ZIM2: variants seen among roughly 807,000 people sequenced by gnomAD.
ZIM2 encodes zinc finger protein 656.
Under a neutral mutation model 38.6 loss-of-function variants are expected in ZIM2, and 14 were observed. The observed-to-expected ratio is 0.36, with a 90% confidence interval of 0.24 to 0.57. The LOEUF is 0.57. Among genes scored for constraint, ZIM2 ranks in the 20% least tolerant of loss-of-function variants. The pLI is 0.81. For missense variants in ZIM2, 680 were observed against 695.1 expected, an observed-to-expected ratio of 0.98 and a Z score of 0.24; for synonymous variants, 247 against 245.8, an observed-to-expected ratio of 1.00 and a Z score of -0.04.
intron 9 of ZIM2, among the ~76,000 whole-genome samples, chr19:56,796,765 A>G (rs1227374799): frequency 6.6e-6 from 1 of 152,226 alleles, no homozygotes; most frequent in Non-Finnish European, 1.5e-5. Flanking sequence ...TCCAAACCCC[A>G]AAAGAGGGTT....
At chr19:56,788,374 C>T (rs1482732648) in intron 10 of ZIM2, among the ~76,000 whole-genome samples, 5 of 152,074 alleles carry the variant, frequency 3.3e-5, no homozygotes, top group African/African-American at 9.7e-5. Flanking sequence ...CTGAGTCATT[C>T]GGGAGCAGGT....
At chr19:56,810,092 A>G in intron 9 of ZIM2, 1 of 862,126 alleles carries the variant, frequency 1.2e-6, no homozygotes, top group Non-Finnish European at 1.4e-6. Flanking sequence ...TTTATTTTTA[A>G]CTTTATTTTT....
At chr19:56,828,158 G>A (rs891470749) in intron 2 of ZIM2, among the ~76,000 whole-genome samples, 53 of 152,122 alleles carry the variant, frequency 3.5e-4, no homozygotes, top group African/African-American at 1.3e-3. Flanking sequence ...CACTGATGCT[G>A]AGCCCAGGCT....
chr19:56,803,392 G>A (rs2047615471), intron 9 of ZIM2, among the ~76,000 whole-genome samples: 1 of 152,206 alleles, frequency 6.6e-6, no homozygotes, highest in African/African-American at 2.4e-5. Context: ...TCTGCAAGAG[G>A]AACAGAGGAG....
chr19:56,812,394 T>G (rs1466151805), intron 9 of ZIM2: 1 of 984,924 alleles, frequency 1.0e-6, no homozygotes, highest in Non-Finnish European at 1.2e-6. Flanking sequence ...TGAGTCCATG[T>G]TAAGCTTGGG....
intron 7 of ZIM2, among the ~76,000 whole-genome samples, chr19:56,820,606 C>T (rs528805360): frequency 8.5e-5 from 13 of 152,258 alleles, no homozygotes; most frequent in Non-Finnish European, 1.6e-4. Context: ...ACACCTGACC[C>T]GGCGTGCTCC....
In ZIM2 at chr19:56,814,329, GGCTGCTGCT is replaced by G; in HGVS notation, c.490+3408_490+3416del. 6.2e-7 allele frequency: 1 copy of G among 1,613,850 alleles called. No homozygotes were observed. The highest frequency in any genetic ancestry group is 8.5e-7 in the Non-Finnish European group (1 of 1,179,898). On this transcript the variant is annotated intron_variant, in intron 9 of 12. Coordinates refer to ENST00000629319, the MANE Select transcript of ZIM2 (RefSeq NM_001387356.1). This position sits in a 1 kb window ranked among gnomAD's most constrained non-coding sequence, Gnocchi z 5.8. ...CATGGACATTGGCTTCAACTTCCTG[GGCTGCTGCT>G]GCTGCAGCTGCTGCTGCTTCATCTT...
chr19:56,785,815 A>G (rs1029430866), intron 10 of ZIM2, among the ~76,000 whole-genome samples: 2 of 152,246 alleles, frequency 1.3e-5, no homozygotes, highest in Admixed American at 6.5e-5. Flanking sequence ...ATTCTAATTC[A>G]GTTGGTGGAA....
intron 8 of ZIM2, 113 bp downstream of exon 8, chr19:56,818,487 C>T (rs2060189633): frequency 1.8e-6 from 2 of 1,120,700 alleles, no homozygotes; most frequent in Non-Finnish European, 2.6e-6. Context: ...TTCTTATTAC[C>T]CTTGAAGTCC....
chr19:56,774,899 T>C lies in ZIM2; in HGVS notation c.1466A>G (p.His489Arg), dbSNP rs1402652523. Reference protein sequence around the residue: ...KTYLIRYQRKHDYVGERACQC... With the variant: ...KTYLIRYQRKRDYVGERACQC... ...GCAGGCTCTCTCTCCAACGTAGTCA[T>C]GTTTCCGCTGATAACGAATTAAGTA... Residue 489 changes from histidine to arginine, a missense_variant, in exon 13 of 13, where the codon CAT (histidine) becomes CGT (arginine). Physicochemically the swap from His to Arg is conservative, Grantham distance 29. Coordinates refer to ENST00000629319, the MANE Select transcript of ZIM2 (RefSeq NM_001387356.1). The C allele has an allele frequency of 1.2e-6, 2 of 1,614,066 alleles. No homozygotes were observed. The highest frequency in any genetic ancestry group is 1.3e-5 in the African/African-American group (1 of 74,914).
chr19:56,811,353 A>G, intron 9 of ZIM2: 1 of 888,568 alleles, frequency 1.1e-6, no homozygotes, highest in Non-Finnish European at 1.3e-6. Context: ...ATATAAATGA[A>G]CTGTTGAGTT....
intron 9 of ZIM2, chr19:56,811,233 T>A: frequency 1.0e-6 from 1 of 964,318 alleles, no homozygotes; most frequent in Non-Finnish European, 1.2e-6. Flanking sequence ...AAGAAAATAA[T>A]GCTCAACTAT....
intron 9 of ZIM2, chr19:56,810,907 T>G (rs1215809911): frequency 1.0e-6 from 1 of 962,798 alleles, no homozygotes; most frequent in Non-Finnish European, 1.2e-6. Flanking sequence ...CATAATACAC[T>G]GTTATCAGGA....
At chr19:56,782,970 CT>C (rs111966870) in intron 10 of ZIM2, among the ~76,000 whole-genome samples, 61 of 151,054 alleles carry the variant, frequency 4.0e-4, no homozygotes, top group Non-Finnish European at 5.3e-4. Flanking sequence ...ATTCTTTCTA[CT>C]TTTTTTTTGT....
intron 9 of ZIM2, among the ~76,000 whole-genome samples, chr19:56,794,793 T>G (rs1357605520): frequency 6.6e-6 from 1 of 152,182 alleles, no homozygotes; most frequent in African/African-American, 2.4e-5. Context: ...TTTTTCACAA[T>G]TTTTTGGACA....
intron 7 of ZIM2, 119 bp downstream of exon 7, chr19:56,821,532 G>T: frequency 8.0e-7 from 1 of 1,252,754 alleles, no homozygotes; most frequent in South Asian, 1.4e-5. Context: ...CTGGAGCGCT[G>T]GGACTCTCAC....
chr19:56,839,558 G>A (rs1452041644), intron 1 of ZIM2, among the ~76,000 whole-genome samples: 1 of 150,634 alleles, frequency 6.6e-6, no homozygotes, highest in Non-Finnish European at 1.5e-5. Flanking sequence ...GCGTCAAAGC[G>A]GGCGGGGCCT....
At position 56,822,798 on chromosome 19, in the gene ZIM2, T is replaced by A; in HGVS notation, c.145A>T (p.Met49Leu). ...TGGGACCAGCGGTCTCGTGGCTCCATGTCTCTGCTTCTGCCCCTCCGGTCC... is the reference window on the plus strand; with the variant it reads ...TGGGACCAGCGGTCTCGTGGCTCCAAGTCTCTGCTTCTGCCCCTCCGGTCC... ...DWDRRGRSRD[M>L]EPRDRWSHTR... The change falls in exon 6 of 13, where the codon ATG becomes TTG. Residue 49 changes from methionine (M) to leucine (L), a missense_variant. Coordinates refer to ENST00000629319, the MANE Select transcript of ZIM2 (RefSeq NM_001387356.1). 6.2e-7 allele frequency: 1 copy of A among 1,614,180 alleles called. No homozygotes were observed. Among genetic ancestry groups the A allele is most frequent in the Non-Finnish European group, 8.5e-7 (1 of 1,180,030 alleles).
chr19:56,775,639 G>T, intron 12 of ZIM2, 110 bp from the exon 13 acceptor site: 1 of 1,470,024 alleles, frequency 6.8e-7, no homozygotes, highest in Non-Finnish European at 9.0e-7. Context: ...TTTGGTTTCA[G>T]GTCTCTTTTC....
Sources: gnomAD v4.1 joint callset for allele counts (sites outside exome capture counted in the v4.1 genomes callset) on GRCh38, gnomAD v4.1.1 for gene constraint, Gnocchi (gnomAD v3.1) non-coding constraint, MANE v1.5 for transcripts, NCBI Gene and HGNC (gene_info 2026-07-23, HGNC 2026-07-21) for gene names.